The following PDE4A variants were observed in gnomAD, a reference collection of about 807,000 sequenced individuals.
The protein encoded by PDE4A is 3',5'-cyclic-AMP phosphodiesterase 4A.
A neutral mutation model predicts 73.9 loss-of-function variants in PDE4A; 21 were observed. The observed-to-expected ratio is 0.28, with a 90% CI of 0.20 to 0.41. PDE4A has a LOEUF of 0.41. Among genes scored for constraint, PDE4A ranks in the 10% least tolerant of loss-of-function variants. The probability of loss-of-function intolerance (pLI) is 1.00; values close to 1 mark genes in which losing one functional copy is unlikely to be tolerated. For synonymous variants in PDE4A, 463 were observed against 505.4 expected, an observed-to-expected ratio of 0.92 and a Z score of 1.13; for missense variants, 958 against 1,211.4, an observed-to-expected ratio of 0.79 and a Z score of 3.10.
intron 1 of PDE4A, among the ~76,000 whole-genome samples, chr19:10,442,664 A>ATATTAC (rs144703316): frequency 0.027 from 4,152 of 151,838 alleles, 189 homozygotes; most frequent in African/African-American, 0.096. Flanking sequence ...CCTGGGCAAC[A>ATATTAC]TATTACTATT....
At chr19:10,460,798 CAAA>C (rs34675916) in intron 10 of PDE4A, 94 of 103,366 alleles carry the variant, frequency 9.1e-4, no homozygotes, top group Non-Finnish European at 1.5e-3. Context: ...AACTCTGTCT[CAAA>C]AAAAAAAAAA....
chr19:10,443,039 T>C (rs1351436680), intron 1 of PDE4A, among the ~76,000 whole-genome samples: 1 of 151,914 alleles, frequency 6.6e-6, no homozygotes, highest in Non-Finnish European at 1.5e-5. Context: ...ATTATCTGGG[T>C]GTGGTGGCAC....
rs2043389252 is a variant in PDE4A at position 10,467,152 on chromosome 19, A to G, written c.2192A>G (p.Gln731Arg). The G allele has an allele frequency of 6.2e-7, 1 of 1,614,076 alleles. No homozygotes were observed. The highest frequency in any genetic ancestry group is 2.2e-5 in the East Asian group (1 of 44,890). Residue 731 changes from glutamine (Q) to arginine (R), a missense_variant, in exon 15 of 15, where the codon CAA (glutamine) becomes CGA (arginine). Transcript: ENST00000380702. ...ATGGCCCAGATACCGTGCACAGCCC[A>G]AGAGGCATTGACTGCGCAGGGATTG... Reference protein sequence around the residue: ...ISMAQIPCTAQEALTAQGLSG... With the variant: ...ISMAQIPCTAREALTAQGLSG...
intron 1 of PDE4A, among the ~76,000 whole-genome samples, chr19:10,443,624 G>A (rs1471237045): frequency 6.6e-6 from 1 of 151,882 alleles, no homozygotes; most frequent in African/African-American, 2.4e-5. Context: ...GGAGGTGGAG[G>A]ATAGCTTGAG....
chr19:10,417,739 CCG>C, upstream of PDE4A: 1 of 1,586,044 alleles, frequency 6.3e-7, no homozygotes, highest in South Asian at 1.1e-5. Context: ...CGCCTCTCGT[CCG>C]GTCCTGGCCT....
chr19:10,448,890 CT>C, intron 2 of PDE4A, 26 bp from the exon 3 acceptor site: 1 of 1,613,708 alleles, frequency 6.2e-7, no homozygotes, highest in Non-Finnish European at 8.5e-7. Flanking sequence ...CTGCGGACCC[CT>C]GACCTGCCTC....
At chr19:10,446,696 G>C (rs1332390358) in intron 2 of PDE4A, among the ~76,000 whole-genome samples, 8 of 151,826 alleles carry the variant, frequency 5.3e-5, no homozygotes, top group Non-Finnish European at 1.2e-4. Flanking sequence ...CTGGGTTCAA[G>C]CAATTCTCCT....
In PDE4A at chr19:10,421,075, G is replaced by A. The variant is rs769350467; in HGVS notation, c.311G>A (p.Ser104Asn). 2.9e-6 allele frequency: 4 copies of A among 1,380,092 alleles called. No homozygotes were observed. Among genetic ancestry groups the A allele is most frequent in the Non-Finnish European group, 3.7e-6 (4 of 1,076,622 alleles). The allele number at this position is 1,380,092 out of a possible 1,614,324, so 85.5% of individuals were successfully genotyped here. A position where few individuals can be genotyped will look rare whatever the true frequency, so the allele number is the denominator to read the frequency against. Residue 104 changes from serine (S) to asparagine (N), a missense_variant, in exon 1 of 15, where the codon AGC (serine) becomes AAC (asparagine). Transcript: ENST00000380702. ...GTGSGGAGGG[S>N]SRRFEAENGP... The stretch of plus-strand genomic sequence containing the variant: ...GGCAGCGGCGGCGCGGGCGGAGGCA[G>A]CAGCAGGCGGTAAGACTCCCCGCGG...
intron 1 of PDE4A, among the ~76,000 whole-genome samples, chr19:10,441,069 C>G (rs562503314): frequency 1.3e-5 from 2 of 151,744 alleles, no homozygotes; most frequent in African/African-American, 2.4e-5. Flanking sequence ...CTCCCTCTGT[C>G]GTCCAGGCTG....
At chr19:10,461,481 A>C in intron 11 of PDE4A, 45 bp from the exon 12 acceptor site, 2 of 1,604,502 alleles carry the variant, frequency 1.2e-6, no homozygotes, top group Middle Eastern at 2.0e-4. Context: ...CTGCGGTTGG[A>C]GCTGCACACG....
At chr19:10,422,482 G>A (rs1375017005) in intron 1 of PDE4A, among the ~76,000 whole-genome samples, 1 of 152,152 alleles carries the variant, frequency 6.6e-6, no homozygotes, top group Non-Finnish European at 1.5e-5. Context: ...CCAGCGATGT[G>A]TGCAACTGAC....
intron 2 of PDE4A, among the ~76,000 whole-genome samples, chr19:10,448,372 C>A (rs2043042641): frequency 6.6e-6 from 1 of 151,954 alleles, no homozygotes; most frequent in Admixed American, 6.6e-5. Context: ...CACGGTGGCT[C>A]ACGCCTATAA....
chr19:10,461,802 G>A, intron 12 of PDE4A, 75 bp from the exon 13 acceptor site: 1 of 1,582,146 alleles, frequency 6.3e-7, no homozygotes, highest in Non-Finnish European at 8.6e-7. Flanking sequence ...GCTTCTACCT[G>A]GTGAAAACTT....
intron 1 of PDE4A, among the ~76,000 whole-genome samples, chr19:10,436,594 T>C (rs911373675): frequency 1.3e-5 from 2 of 152,152 alleles, no homozygotes; most frequent in Non-Finnish European, 2.9e-5. Context: ...TGTTAACTTA[T>C]AGAGTGGGTT....
At chr19:10,417,047 C>G (rs2042595292), upstream of PDE4A, 1 of 1,524,952 alleles carries the variant, frequency 6.6e-7, no homozygotes, top group Admixed American at 2.0e-5. Flanking sequence ...GGGAGACTAG[C>G]GCCCTCTAGT....
At position 10,450,934 on chromosome 19, in the gene PDE4A, C is replaced by A; in HGVS notation, c.776C>A (p.Ser259Ter). The A allele has an allele frequency of 6.3e-7, 1 of 1,597,256 alleles. No homozygotes were observed. The highest frequency in any genetic ancestry group is 8.5e-7 in the Non-Finnish European group (1 of 1,172,354). The change falls in exon 6 of 15, where the codon TCG becomes TAG. Residue 259 changes from serine to a stop codon, truncating the protein, a stop_gained. Coordinates refer to ENST00000380702, the MANE Select transcript of PDE4A (RefSeq NM_001111307.2). LOFTEE classifies it high-confidence loss of function. ...QTYRSVSEMA[S>*]HKFKRMLNRE... is the part of the protein sequence containing the mutation. ...TATCGCTCTGTCAGCGAGATGGCCT[C>A]GCACAAGGTGTGCAGGTGGTGGGCA...
Position 10,461,447 on chromosome 19 carries a change from T to C in PDE4A, c.1466-79T>C. 4 of 1,569,524 alleles carry C rather than the reference T, an allele frequency of 2.5e-6. 1 individual carries two copies. The South Asian group carries it at 4.7e-5, about 18-fold the overall frequency. On this transcript the variant is annotated intron_variant, in intron 11 of 14. Coordinates refer to ENST00000380702, the MANE Select transcript of PDE4A (RefSeq NM_001111307.2). ...CTGGCCGGGCTGGGGAGGGGTTAGC[T>C]AGTTGGGGGCGGAGCTGGCCCTCCT...
intron 1 of PDE4A, among the ~76,000 whole-genome samples, chr19:10,430,146 G>C (rs958608748): frequency 3.3e-5 from 5 of 152,004 alleles, no homozygotes; most frequent in Non-Finnish European, 7.4e-5. Context: ...CTGTGGTGGG[G>C]GTTCTGGGAT....
rs778434586 is a variant in PDE4A at position 10,446,239 on chromosome 19, G to A, written c.342G>A (p.Pro114=). ...SSRRFEAENG[P]TPSPGRSPLD... is the part of the protein sequence containing the mutation. ...GCAGCTTCGAGGCAGAGAATGGGCCGACACCATCTCCTGGCCGCAGCCCCC... is the reference window on the plus strand; with the variant it reads ...GCAGCTTCGAGGCAGAGAATGGGCCAACACCATCTCCTGGCCGCAGCCCCC... Residue 114 remains proline (P), a synonymous_variant, in exon 2 of 15, where the codon CCG becomes CCA. Coordinates refer to ENST00000380702, the MANE Select transcript of PDE4A (RefSeq NM_001111307.2). 2.1e-5 allele frequency: 33 copies of A among 1,582,862 alleles called. No homozygotes were observed. In the Middle Eastern group the frequency reaches 1.5e-3, roughly 72 times the overall value.
Sources: allele counts gnomAD v4.1 joint callset (sites outside exome capture counted in the v4.1 genomes callset), GRCh38; gene constraint gnomAD v4.1.1; transcripts MANE v1.5; gene names NCBI Gene and HGNC (gene_info 2026-07-23, HGNC 2026-07-21).